ALKBH1: variants seen among roughly 807,000 people sequenced by gnomAD.
ALKBH1 encodes the protein alkB homolog 1, histone H2A dioxygenase.
ALKBH1 carries 31 observed loss-of-function variants against 36.6 expected under a neutral mutation model. That is an observed-to-expected ratio of 0.85 (90% CI 0.64 to 1.14). The LOEUF (loss-of-function observed/expected upper bound fraction) is 1.14, where lower values mean the gene tolerates loss of function less well. Ranked by LOEUF, ALKBH1 falls within the 50% of genes most tolerant of loss-of-function variation. The pLI, the probability that ALKBH1 is intolerant of heterozygous loss-of-function variation, is 0.00. For missense variants in ALKBH1, 490 were observed against 497.3 expected (o/e 0.99, Z 0.14); for synonymous variants, 183 against 186.6 (o/e 0.98, Z 0.16).
chr14:77,703,907 G>A (rs2080374090), intron 2 of ALKBH1, among the ~76,000 whole-genome samples: 1 of 151,980 alleles, frequency 6.6e-6, no homozygotes, highest in African/African-American at 2.4e-5. Flanking sequence ...GAGGACTTTT[G>A]ATGTCATTAA....
intron 3 of ALKBH1, among the ~76,000 whole-genome samples, chr14:77,693,977 ACT>A (rs2080312763): frequency 1.3e-5 from 2 of 152,040 alleles, no homozygotes; most frequent in Non-Finnish European, 2.9e-5. Context: ...ACAGAGTGAG[ACT>A]CTGTCTCAAA....
chr14:77,694,740 C>T lies in ALKBH1; in HGVS notation c.453G>A (p.Leu151=). 1 of 1,582,712 alleles carries T rather than the reference C, an allele frequency of 6.3e-7. No individual in the cohort carries two copies. The highest frequency in any genetic ancestry group is 8.6e-7 in the Non-Finnish European group (1 of 1,167,510). Residue 151 remains leucine, a splice_region_variant and synonymous_variant, in exon 3 of 6, where the codon CTG becomes CTA. Coordinates refer to ENST00000216489, the MANE Select transcript of ALKBH1 (RefSeq NM_006020.3). The part of the protein sequence containing the change: ...QDLWEQSKEF[L]RYKEATKRRP... ...TCATTCTGATTGACAAGACTTACCT[C>T]AGGAACTCTTTGCTCTGTTCCCACA...
chr14:77,704,561 TTG>T, intron 1 of ALKBH1, 84 bp from the exon 2 acceptor site: 1 of 980,312 alleles, frequency 1.0e-6, no homozygotes, highest in Non-Finnish European at 1.6e-6. Context: ...AACACATTTC[TTG>T]TATGAGGCAA....
At chr14:77,693,710 G>A (rs1053665710) in intron 3 of ALKBH1, among the ~76,000 whole-genome samples, 2 of 152,046 alleles carry the variant, frequency 1.3e-5, no homozygotes, top group South Asian at 2.1e-4. Context: ...TTTTCAGGCC[G>A]GGCTTGGTGG....
At chr14:77,681,191 G>C (rs1305325459) in intron 3 of ALKBH1, among the ~76,000 whole-genome samples, 5 of 152,116 alleles carry the variant, frequency 3.3e-5, no homozygotes, top group Non-Finnish European at 7.3e-5. Flanking sequence ...AAATGTAATA[G>C]AAAGTCTAAG....
chr14:77,707,999 C>T lies in ALKBH1; in HGVS notation c.6G>A (p.Gly2=), dbSNP rs777029936. ...CAGAGCCCACGGCCGCTGCCATCTT[C>T]CCCATCTCGCGGCCTATACCCTCTG... The part of the protein sequence containing the change: M[G]KMAAAVGSVA... Residue 2 remains glycine (G), a synonymous_variant, in exon 1 of 6, where the codon GGG becomes GGA. Transcript: ENST00000216489. 6 of 1,609,182 alleles carry T rather than the reference C, an allele frequency of 3.7e-6. No individual in the cohort carries two copies. Among genetic ancestry groups the T allele is most frequent in the African/African-American group, 1.3e-5 (1 of 74,828 alleles).
chr14:77,695,503 T>C (rs543972544), intron 2 of ALKBH1, among the ~76,000 whole-genome samples: 2 of 152,300 alleles, frequency 1.3e-5, no homozygotes, highest in South Asian at 4.1e-4. Flanking sequence ...CTAATGTAGC[T>C]TTTCCACATC....
chr14:77,687,923 C>T (rs917939150), intron 3 of ALKBH1, among the ~76,000 whole-genome samples: 3 of 119,768 alleles, frequency 2.5e-5, no homozygotes, highest in Admixed American at 1.7e-4. Flanking sequence ...CATCTCTCTT[C>T]GTGTCCCTCT....
chr14:77,685,288 C>CA (rs2139849982), intron 3 of ALKBH1, among the ~76,000 whole-genome samples: 1 of 152,032 alleles, frequency 6.6e-6, no homozygotes, highest in African/African-American at 2.4e-5. Context: ...ACTAAAAAAC[C>CA]AAAAACTAGC....
chr14:77,680,009 A>C (rs1362479578), intron 3 of ALKBH1, 39 bp from the exon 4 acceptor site: 1 of 1,524,628 alleles, frequency 6.6e-7, no homozygotes, highest in Non-Finnish European at 9.1e-7. Context: ...TATTCATGTA[A>C]AATGGCAGCA....
intron 3 of ALKBH1, among the ~76,000 whole-genome samples, chr14:77,681,711 C>T (rs550714143): frequency 1.3e-5 from 2 of 152,220 alleles, no homozygotes; most frequent in Non-Finnish European, 2.9e-5. Context: ...TGGCTTACTG[C>T]ACCTAAACTG....
Position 77,699,530 on chromosome 14 carries a change from CTA to C in ALKBH1, c.293-4632_293-4631del, listed in dbSNP as rs1376382947. ...GCTATCTCATTAATCTTCAGTAACTCTATGAGGAAGTTATTAATCCAGTTTTG... is the reference window on the plus strand; with the variant it reads ...GCTATCTCATTAATCTTCAGTAACTCTGAGGAAGTTATTAATCCAGTTTTG... On this transcript the variant is annotated intron_variant, in intron 2 of 5. Transcript: ENST00000216489. 9.2e-5 allele frequency among the ~76,000 whole-genome samples: 14 copies of C among 152,274 alleles called. No homozygotes were observed. In the East Asian group the frequency reaches 1.7e-3, roughly 19 times the overall value.
chr14:77,705,560 C>T (rs886588388), intron 1 of ALKBH1, among the ~76,000 whole-genome samples: 1 of 152,108 alleles, frequency 6.6e-6, no homozygotes. Flanking sequence ...GTCCAACTGA[C>T]GCTACAACTT....
Position 77,706,225 on chromosome 14 carries a change from CTA to C in ALKBH1, c.183+1595_183+1596del, listed in dbSNP as rs369227981. On this transcript the variant is annotated intron_variant, in intron 1 of 5. Coordinates refer to ENST00000216489, the MANE Select transcript of ALKBH1 (RefSeq NM_006020.3). ...AAGTTTGCTGATGTATAACCAGTCT[CTA>C]TAATAAAAGGGCTATATGAAACCCT... Among the ~76,000 whole-genome samples, 567 of 152,170 alleles carry C rather than the reference CTA, an allele frequency of 3.7e-3. 3 individuals are homozygous for C. The highest frequency in any genetic ancestry group is 0.024 in the South Asian group (115 of 4,814).
rs377343043 is a variant in ALKBH1, at chr14:77,704,389, T to C, written c.272A>G (p.Tyr91Cys). ...CTCACCAGGATAGCCTTTGAGTCCA[T>C]AGGCTTGCCACTTGCTGACGGGCTG... is the stretch of plus-strand genomic sequence containing the variant. ...GLQPVSKWQA[Y>C]GLKGYPGFIF... Residue 91 changes from tyrosine (Y) to cysteine (C), a missense_variant, in exon 2 of 6, where the codon TAT becomes TGT. By Grantham distance (194) the Tyr-to-Cys change is radical. Transcript: ENST00000216489. 64 of 1,613,412 alleles carry C rather than the reference T, an allele frequency of 4.0e-5. No individual in the cohort carries two copies. The highest frequency in any genetic ancestry group is 1.3e-4 in the South Asian group (12 of 91,082).
In ALKBH1 at chr14:77,697,331, T is replaced by G. The variant is rs2080333141; in HGVS notation, c.293-2431A>C. ...GCGGGCTGGCCACCATGAAGCACTG[T>G]CAGGAGAGGAAGCACCCCTTCCAGC... On this transcript the variant is annotated intron_variant, in intron 2 of 5. Transcript: ENST00000216489. 4.5e-5 allele frequency: 7 copies of G among 156,756 alleles called. No homozygotes were observed. The Admixed American group carries it at 4.5e-4, about 10-fold the overall frequency. 9.7% of individuals were successfully genotyped at this position (156,756 alleles called of 1,614,324 possible).
At position 77,674,171 on chromosome 14, in the gene ALKBH1, G is replaced by T. The variant is rs761915723; in HGVS notation, c.811C>A (p.His271Asn). The change falls in exon 6 of 6, where the codon CAC (histidine) becomes AAC (asparagine). Residue 271 changes from histidine to asparagine, a missense_variant. Coordinates refer to ENST00000216489, the MANE Select transcript of ALKBH1 (RefSeq NM_006020.3). ...RDEAPTAMFM[H>N]SGDIMIMSGF... ...GACATTATCATGATGTCACCACTGT[G>T]CATAAACATGGCCGTGGGGGCCTCA... 1 of 1,614,156 alleles carries T rather than the reference G, an allele frequency of 6.2e-7. No individual in the cohort carries two copies. Among genetic ancestry groups the T allele is most frequent in the Non-Finnish European group, 8.5e-7 (1 of 1,180,006 alleles).
intron 3 of ALKBH1, among the ~76,000 whole-genome samples, chr14:77,682,237 G>C (rs2080241979): frequency 6.6e-6 from 1 of 152,152 alleles, no homozygotes; most frequent in Non-Finnish European, 1.5e-5. Flanking sequence ...ATGTAATGTA[G>C]TTATTAACAC....
At chr14:77,679,779 G>T in intron 4 of ALKBH1, 101 bp downstream of exon 4, 1 of 902,986 alleles carries the variant, frequency 1.1e-6, no homozygotes, top group Non-Finnish European at 1.7e-6. Context: ...TCCCACAAAT[G>T]TATAATCTTG....
Sources: gnomAD v4.1 joint callset for allele counts (sites outside exome capture counted in the v4.1 genomes callset) on GRCh38, gnomAD v4.1.1 for gene constraint, MANE v1.5 for transcripts, NCBI Gene and HGNC (gene_info 2026-07-23, HGNC 2026-07-21) for gene names.